Variants in DIPK1A observed in about 807,000 individuals in gnomAD.
DIPK1A encodes divergent protein kinase domain 1A, also known as family with sequence similarity 69 member A.
DIPK1A carries 27 observed loss-of-function variants against 40.8 expected under a neutral mutation model. The ratio of observed to expected loss-of-function variants is 0.66; its 90% CI spans 0.49 to 0.91. The LOEUF (loss-of-function observed/expected upper bound fraction) is 0.91. Among genes scored for constraint, DIPK1A ranks in the 40% least tolerant of loss-of-function variants. The pLI, the probability that DIPK1A is intolerant of heterozygous loss-of-function variation, is 0.00. For synonymous variants in DIPK1A, 166 were observed against 171.3 expected, an observed-to-expected ratio of 0.97 and a Z score of 0.24; for missense variants, 412 against 505.7, an observed-to-expected ratio of 0.81 and a Z score of 1.78.
At chr1:92,879,335 T>A (rs1172848467) in intron 1 of DIPK1A, among the ~76,000 whole-genome samples, 1 of 152,342 alleles carries the variant, frequency 6.6e-6, no homozygotes, top group Admixed American at 6.5e-5. Context: ...TTTTAGTTTT[T>A]TAAGGTGTGA....
downstream of DIPK1A, chr1:92,837,880 TA>T: frequency 1.9e-6 from 1 of 517,084 alleles, no homozygotes; most frequent in East Asian, 3.5e-5. Context: ...ATCATAGTTG[TA>T]ATCTGCTTTG....
chr1:92,926,421 T>C (rs1650509577), intron 1 of DIPK1A, among the ~76,000 whole-genome samples: 1 of 152,252 alleles, frequency 6.6e-6, no homozygotes. Flanking sequence ...ACTTGTTTCA[T>C]GGCCCTGGAT....
exon 5 of DIPK1A, chr1:92,832,800 T>C (rs962864163): frequency 8.8e-6 from 5 of 570,656 alleles, no homozygotes; most frequent in South Asian, 2.2e-5. Context: ...GGAACAGTGC[T>C]GTTTTAGTGG....
At chr1:92,927,182 T>A (rs1270967563) in intron 1 of DIPK1A, among the ~76,000 whole-genome samples, 1 of 151,972 alleles carries the variant, frequency 6.6e-6, no homozygotes, top group Admixed American at 6.6e-5. Flanking sequence ...ATTCAATGTT[T>A]TGTTGTTGTT....
chr1:92,834,973 G>C, intron 4 of DIPK1A: 1 of 1,596,160 alleles, frequency 6.3e-7, no homozygotes, highest in Non-Finnish European at 8.5e-7. Context: ...AGAGTTTTCT[G>C]CAAGATGTTT....
downstream of DIPK1A, chr1:92,837,439 G>T (rs750119521): frequency 6.2e-7 from 1 of 1,604,676 alleles, no homozygotes; most frequent in South Asian, 1.1e-5. Context: ...ACTAAAATAT[G>T]AATAACTTTA....
At chr1:92,880,967 G>A (rs183660731) in intron 1 of DIPK1A, among the ~76,000 whole-genome samples, 9 of 151,658 alleles carry the variant, frequency 5.9e-5, no homozygotes, top group South Asian at 4.2e-4. Context: ...TGAGGCAGGC[G>A]GATCATGAGG....
intron 2 of DIPK1A, among the ~76,000 whole-genome samples, chr1:92,870,115 T>C (rs933805152): frequency 9.4e-5 from 14 of 149,150 alleles, no homozygotes; most frequent in Middle Eastern, 3.4e-3. Flanking sequence ...CACACACACA[T>C]ATCTGTTGCT....
At chr1:92,914,720 G>A (rs1187822958) in intron 1 of DIPK1A, among the ~76,000 whole-genome samples, 1 of 150,544 alleles carries the variant, frequency 6.6e-6, no homozygotes, top group Non-Finnish European at 1.5e-5. Flanking sequence ...AGTGAGCCAA[G>A]ATTGTGCCAT....
chr1:92,856,347 C>A (rs866800812), intron 2 of DIPK1A, among the ~76,000 whole-genome samples: 3 of 151,912 alleles, frequency 2.0e-5, no homozygotes, highest in Non-Finnish European at 1.5e-5. Flanking sequence ...GAATCAATAA[C>A]CAAAAATGTT....
At chr1:92,866,102 CTTGT>C (rs772695115) in intron 2 of DIPK1A, among the ~76,000 whole-genome samples, 51 of 152,072 alleles carry the variant, frequency 3.4e-4, no homozygotes, top group Admixed American at 1.1e-3. Context: ...CTGGGGTTTT[CTTGT>C]TTGTTTGTTT....
At chr1:92,861,985 G>T (rs1218856738) in intron 2 of DIPK1A, among the ~76,000 whole-genome samples, 2 of 152,100 alleles carry the variant, frequency 1.3e-5, no homozygotes, top group East Asian at 1.9e-4. Flanking sequence ...TCGCCATATT[G>T]CTCAGGCTGA....
At chr1:92,906,073 T>C (rs1281143680) in intron 1 of DIPK1A, among the ~76,000 whole-genome samples, 4 of 152,206 alleles carry the variant, frequency 2.6e-5, no homozygotes, top group African/African-American at 7.2e-5. Context: ...TTTAGTTTTG[T>C]TCTTTTTGCT....
At chr1:92,833,202 T>C (rs1013160400) in intron 4 of DIPK1A, 12 of 652,082 alleles carry the variant, frequency 1.8e-5, no homozygotes, top group Non-Finnish European at 3.0e-5. Context: ...AAACTACTAG[T>C]CTGTGACATG....
At chr1:92,938,969 C>T (rs779783760) in intron 1 of DIPK1A, among the ~76,000 whole-genome samples, 5 of 151,776 alleles carry the variant, frequency 3.3e-5, no homozygotes, top group African/African-American at 7.3e-5. Context: ...GGTGTGATCT[C>T]GGCTCACTGC....
chr1:92,899,819 T>C (rs1044861882), intron 1 of DIPK1A, among the ~76,000 whole-genome samples: 12 of 152,186 alleles, frequency 7.9e-5, no homozygotes, highest in Non-Finnish European at 1.2e-4. Flanking sequence ...GTAAGGCTGG[T>C]CTAGTGGTGT....
Position 92,843,386 on chromosome 1 carries a change from A to G in DIPK1A, c.1284T>C (p.Ser428=), listed in dbSNP as rs1452845083. Residue 428 remains serine, a synonymous_variant, in exon 5 of 5, where the codon TCT becomes TCC. Coordinates refer to ENST00000370310, the MANE Select transcript of DIPK1A (RefSeq NM_001006605.5). ...ATGGTAATTATGTCCAAATGAACTAAGAGTCATTAGTGTAGGAAATTTTCT... is the reference window on the plus strand; with the variant it reads ...ATGGTAATTATGTCCAAATGAACTAGGAGTCATTAGTGTAGGAAATTTTCT... ...LWKKISYTND[S] is the part of the protein sequence containing the mutation. 6.5e-7 allele frequency: 1 copy of G among 1,529,062 alleles called. No individual in the cohort carries two copies. The highest frequency in any genetic ancestry group is 1.2e-5 in the South Asian group (1 of 80,672). The allele number at this position is 1,529,062 out of a possible 1,614,324, so 94.7% of individuals were successfully genotyped here.
intron 4 of DIPK1A, among the ~76,000 whole-genome samples, chr1:92,844,723 C>T (rs1215517189): frequency 1.3e-5 from 2 of 152,108 alleles, no homozygotes; most frequent in Non-Finnish European, 2.9e-5. Context: ...GCCAGCATGC[C>T]TGGCCTAATT....
chr1:92,834,726 T>C (rs997010173), intron 4 of DIPK1A: 26 of 1,606,636 alleles, frequency 1.6e-5, no homozygotes, highest in African/African-American at 2.7e-5. Context: ...AATTAAGATG[T>C]AGTAAGACAG....
Sources: gnomAD v4.1 joint callset for allele counts (sites outside exome capture counted in the v4.1 genomes callset) on GRCh38, gnomAD v4.1.1 for gene constraint, MANE v1.5 for transcripts, NCBI Gene and HGNC (gene_info 2026-07-23, HGNC 2026-07-21) for gene names.